Variants in EIF3H observed in about 807,000 individuals in gnomAD.
EIF3H encodes eIF-3-gamma.
In EIF3H, 26 loss-of-function variants were observed where a neutral mutation model predicts 44.2. That is an observed-to-expected ratio of 0.59 (90% CI 0.43 to 0.82). The LOEUF is 0.82. Ranked by LOEUF, EIF3H falls within the 40% of genes least tolerant of loss-of-function variation. The pLI is 0.00. For missense variants in EIF3H, 359 were observed against 432.8 expected, an observed-to-expected ratio of 0.83 and a Z score of 1.51; for synonymous variants, 166 against 151.9, an observed-to-expected ratio of 1.09 and a Z score of -0.68.
intron 2 of EIF3H, among the ~76,000 whole-genome samples, chr8:116,676,155 G>T (rs79598582): frequency 0.12 from 17,561 of 152,242 alleles, 1,318 homozygotes; most frequent in East Asian, 0.42. Flanking sequence ...TTAAGATCTT[G>T]AAGTTGGTTG....
chr8:116,766,102 A>G (rs962955525), exon 1 of EIF3H: 1 of 152,676 alleles, frequency 6.5e-6, no homozygotes, highest in African/African-American at 2.4e-5. Context: ...TATCCAATAT[A>G]TCATTTCCTT....
At chr8:116,741,335 C>T (rs996642317) in intron 1 of EIF3H, among the ~76,000 whole-genome samples, 2 of 152,068 alleles carry the variant, frequency 1.3e-5, no homozygotes, top group Non-Finnish European at 2.9e-5. Flanking sequence ...TTCTTTAAGA[C>T]GCATCAATCA....
At chr8:116,653,792 TAATAA>T (rs1260239367) in intron 5 of EIF3H, among the ~76,000 whole-genome samples, 1 of 152,194 alleles carries the variant, frequency 6.6e-6, no homozygotes, top group South Asian at 2.1e-4. Flanking sequence ...AACTTCCATC[TAATAA>T]AATTAAAATA....
At chr8:116,752,083 A>C (rs1242327879) in intron 1 of EIF3H, among the ~76,000 whole-genome samples, 4 of 152,236 alleles carry the variant, frequency 2.6e-5, no homozygotes, top group African/African-American at 9.6e-5. Context: ...GCCTAAAAGG[A>C]AGGATAGTGA....
At chr8:116,739,446 C>T (rs183748323) in intron 1 of EIF3H, among the ~76,000 whole-genome samples, 3 of 152,134 alleles carry the variant, frequency 2.0e-5, no homozygotes, top group Admixed American at 2.0e-4. Context: ...GTCAGGAGAT[C>T]GAGACCATCC....
At chr8:116,752,718 A>AAGAAAGAAAGAAAGAAAGAAAGAAG (rs1815366943) in intron 1 of EIF3H, among the ~76,000 whole-genome samples, 1 of 121,902 alleles carries the variant, frequency 8.2e-6, no homozygotes, top group Non-Finnish European at 1.8e-5. Context: ...GAAAGAAAGA[A>AAGAAAGAAAGAAAGAAAGAAAGAAG]AGAAAGAAAG....
rs965099468 is a variant in EIF3H at position 116,739,543 on chromosome 8, G to A, written c.133-13371C>T. On this transcript the variant is annotated intron_variant, in intron 1 of 7. Transcript: ENST00000521861. ...TGGGCGCCTGCAGTCCCAGCTACTC[G>A]GGAGGCTGAGGCAGGAGAATGGTGT... is the stretch of plus-strand genomic sequence containing the variant. Among the ~76,000 whole-genome samples, 8 of 152,316 alleles carry A rather than the reference G, an allele frequency of 5.3e-5. No homozygotes were observed. In the East Asian group the frequency reaches 9.7e-4, roughly 18 times the overall value.
intron 2 of EIF3H, among the ~76,000 whole-genome samples, chr8:116,706,001 T>A (rs992346575): frequency 6.6e-6 from 1 of 151,738 alleles, no homozygotes; most frequent in African/African-American, 2.4e-5. Flanking sequence ...TTACAAAGGT[T>A]ATCTAGCAGC....
At chr8:116,726,748 G>A (rs1814848370) in intron 1 of EIF3H, among the ~76,000 whole-genome samples, 1 of 152,126 alleles carries the variant, frequency 6.6e-6, no homozygotes, top group South Asian at 2.1e-4. Context: ...TCCTCAACCA[G>A]AAGGATTCAC....
rs1813504645 is a variant in EIF3H, at chr8:116,657,151, G to A, written c.557+64C>T. ...CACCACAACCAAGGATTCAAGAGAT[G>A]TGGCAAAGAAAAATCTTAACAGAAA... On this transcript the variant is annotated intron_variant, in intron 4 of 7. Transcript: ENST00000521861. 8.0e-6 allele frequency: 11 copies of A among 1,377,906 alleles called. 1 individual carries two copies. In the South Asian group the frequency reaches 1.3e-4, roughly 16 times the overall value. 85.4% of individuals were successfully genotyped at this position (1,377,906 alleles called of 1,614,324 possible). A position where few individuals can be genotyped will look rare whatever the true frequency, so the allele number is the denominator to read the frequency against.
chr8:116,762,555 C>A (rs952012236), intron 1 of EIF3H, among the ~76,000 whole-genome samples: 1 of 152,156 alleles, frequency 6.6e-6, no homozygotes, highest in Non-Finnish European at 1.5e-5. Context: ...TCCTTTAAGC[C>A]GGCTTCCCAG....
chr8:116,721,076 G>C (rs1054866045), intron 2 of EIF3H, among the ~76,000 whole-genome samples: 10 of 152,134 alleles, frequency 6.6e-5, no homozygotes, highest in African/African-American at 2.2e-4. Flanking sequence ...GGGCACGTCG[G>C]AGACCTTCAC....
chr8:116,661,304 G>A (rs1372048750), intron 2 of EIF3H, among the ~76,000 whole-genome samples: 2 of 152,184 alleles, frequency 1.3e-5, no homozygotes, highest in East Asian at 3.8e-4. Context: ...GAACGAGTAA[G>A]ATTTTAAAAA....
chr8:116,677,155 G>A (rs1445022229), intron 2 of EIF3H, among the ~76,000 whole-genome samples: 1 of 151,948 alleles, frequency 6.6e-6, no homozygotes, highest in East Asian at 1.9e-4. Context: ...ATTTAGAAGG[G>A]GTGAACTGAA....
intron 1 of EIF3H, among the ~76,000 whole-genome samples, chr8:116,726,672 G>A (rs183837436): frequency 2.6e-5 from 4 of 152,206 alleles, no homozygotes; most frequent in African/African-American, 4.8e-5. Context: ...ATGCAACAAC[G>A]GGAACACGTA....
At position 116,747,855 on chromosome 8, in the gene EIF3H, A is replaced by T. The variant is rs563873231; in HGVS notation, c.132+7811T>A. ...CCTGCTGCGGTGGCTCACACCTGTA[A>T]TCCCAACATTTTGGGAGGCCAAGGT... On this transcript the variant is annotated intron_variant, in intron 1 of 7. Transcript: ENST00000521861. Among the ~76,000 whole-genome samples, 6 of 152,306 alleles carry T rather than the reference A, an allele frequency of 3.9e-5. No individual in the cohort carries two copies. In the East Asian group the frequency reaches 1.2e-3, roughly 29 times the overall value.
At chr8:116,758,199 A>G (rs1049605547), upstream of EIF3H, among the ~76,000 whole-genome samples, 23 of 152,240 alleles carry the variant, frequency 1.5e-4, no homozygotes, top group African/African-American at 5.5e-4. Context: ...ATCAAAAGAA[A>G]GCAGGAGTGG....
intron 5 of EIF3H, among the ~76,000 whole-genome samples, chr8:116,651,678 C>T (rs1169965180): frequency 6.6e-6 from 1 of 152,178 alleles, no homozygotes; most frequent in African/African-American, 2.4e-5. Flanking sequence ...CTTTTAACTT[C>T]AAAACATTTC....
At chr8:116,754,667 TTA>T (rs201959557) in intron 1 of EIF3H, among the ~76,000 whole-genome samples, 2 of 2,632 alleles carry the variant, frequency 7.6e-4, no homozygotes, top group Admixed American at 3.7e-3. Flanking sequence ...CTAACTTGCC[TTA>T]AAGTCACAGA....
Sources: gnomAD v4.1 joint callset for allele counts (sites outside exome capture counted in the v4.1 genomes callset) on GRCh38, gnomAD v4.1.1 for gene constraint, MANE v1.5 for transcripts, NCBI Gene and HGNC (gene_info 2026-07-23, HGNC 2026-07-21) for gene names.